The following NRXN3 variants were observed in gnomAD, a reference collection of about 807,000 sequenced individuals.
NRXN3 encodes neurexin III.
In NRXN3, 32 loss-of-function variants were observed where a neutral mutation model predicts 137.6. The observed-to-expected ratio is 0.23, with a 90% CI of 0.18 to 0.31. The LOEUF (loss-of-function observed/expected upper bound fraction) is 0.31. Among genes scored for constraint, NRXN3 ranks in the 10% least tolerant of loss-of-function variants. NRXN3 has a pLI of 1.00. For synonymous variants in NRXN3, 798 were observed against 784.5 expected (o/e 1.02, Z -0.29); for missense variants, 1,574 against 2,062.5 (o/e 0.76, Z 4.59).
intron 16 of NRXN3, among the ~76,000 whole-genome samples, chr14:79,470,464 G>A (rs2096485626): frequency 6.6e-6 from 1 of 152,072 alleles, no homozygotes; most frequent in South Asian, 2.1e-4. Context: ...CAGAAAGAGT[G>A]AACCCACTCT....
intron 20 of NRXN3, among the ~76,000 whole-genome samples, chr14:79,852,031 A>G (rs1000366484): frequency 2.6e-5 from 4 of 151,902 alleles, no homozygotes; most frequent in African/African-American, 9.7e-5. Flanking sequence ...TTAACATTCT[A>G]CTGTCATCAT....
chr14:78,403,800 G>T (rs1293252038), intron 4 of NRXN3: 11 of 985,246 alleles, frequency 1.1e-5, no homozygotes, highest in South Asian at 4.7e-5. Context: ...CGTTGTTTCT[G>T]CCCCCTGAGG....
intron 2 of NRXN3, among the ~76,000 whole-genome samples, chr14:78,260,531 A>G: frequency 6.6e-6 from 1 of 152,340 alleles, no homozygotes; most frequent in East Asian, 1.9e-4. Context: ...TCCCCAGCCA[A>G]ATCTCATTGT....
At chr14:79,578,442 C>A (rs2097685489) in intron 16 of NRXN3, among the ~76,000 whole-genome samples, 1 of 152,100 alleles carries the variant, frequency 6.6e-6, no homozygotes, top group African/African-American at 2.4e-5. Flanking sequence ...GTCTCCAGCC[C>A]CTCAGGAGAT....
intron 17 of NRXN3, among the ~76,000 whole-genome samples, chr14:79,684,997 C>T (rs1222796356): frequency 6.6e-6 from 1 of 152,056 alleles, no homozygotes; most frequent in Admixed American, 6.6e-5. Context: ...AGAGGAAAGG[C>T]ACCTGGGGAA....
intron 16 of NRXN3, among the ~76,000 whole-genome samples, chr14:79,541,663 GAC>G (rs1363201702): frequency 6.6e-6 from 1 of 152,140 alleles, no homozygotes; most frequent in African/African-American, 2.4e-5. Context: ...AGTCTCAAGA[GAC>G]ACAAGAAAAC....
chr14:79,826,680 C>T (rs1374769771), intron 20 of NRXN3, among the ~76,000 whole-genome samples: 2 of 152,168 alleles, frequency 1.3e-5, no homozygotes, highest in Non-Finnish European at 2.9e-5. Flanking sequence ...ATTGCACCAG[C>T]GTCTGCATAA....
intron 4 of NRXN3, among the ~76,000 whole-genome samples, chr14:78,395,711 G>A (rs545139515): frequency 1.1e-4 from 16 of 151,808 alleles, no homozygotes; most frequent in Admixed American, 3.3e-4. Flanking sequence ...ACATTTAGGT[G>A]GATTGACTCT....
intron 17 of NRXN3, among the ~76,000 whole-genome samples, chr14:79,689,829 G>A (rs540141267): frequency 6.6e-4 from 100 of 152,244 alleles, no homozygotes; most frequent in Admixed American, 1.1e-3. Context: ...CAAGGGCCCT[G>A]TGTATTTGGA....
intron 4 of NRXN3, among the ~76,000 whole-genome samples, chr14:78,337,756 A>G (rs905301409): frequency 2.0e-5 from 3 of 152,214 alleles, no homozygotes; most frequent in Non-Finnish European, 2.9e-5. Flanking sequence ...AAGGCCGTAT[A>G]TATAGTACTG....
Position 78,900,111 on chromosome 14 carries a change from T to C in NRXN3, c.2276-57131T>C, listed in dbSNP as rs573865379. Among the ~76,000 whole-genome samples the C allele has an allele frequency of 3.9e-5, 6 of 152,176 alleles. No individual in the cohort carries two copies. In the East Asian group the frequency reaches 1.2e-3, roughly 30 times the overall value. On this transcript the variant is annotated intron_variant, in intron 10 of 20. Transcript: ENST00000335750. ...AAACTACAATGACTGACACTAACAT[T>C]TTTGAACCCATCTATGCCCATTTCC...
chr14:79,094,753 G>A (rs1054397332), intron 15 of NRXN3, among the ~76,000 whole-genome samples: 3 of 152,120 alleles, frequency 2.0e-5, no homozygotes, highest in Non-Finnish European at 2.9e-5. Flanking sequence ...TAGATTTGCA[G>A]CCTTGATGAT....
intron 10 of NRXN3, among the ~76,000 whole-genome samples, chr14:78,926,519 T>C (rs1365599517): frequency 1.4e-5 from 2 of 145,004 alleles, no homozygotes; most frequent in African/African-American, 5.1e-5. Context: ...GGTAGGTTCA[T>C]CACTTGAGCC....
At chr14:78,372,114 T>C (rs80195704) in intron 4 of NRXN3, among the ~76,000 whole-genome samples, 13 of 152,036 alleles carry the variant, frequency 8.6e-5, no homozygotes, top group Non-Finnish European at 5.9e-5. Flanking sequence ...TTCTTTCTTT[T>C]TTTTTAAAAC....
chr14:78,288,341 TA>T (rs1459817103), intron 3 of NRXN3, among the ~76,000 whole-genome samples: 3 of 152,128 alleles, frequency 2.0e-5, no homozygotes, highest in Non-Finnish European at 2.9e-5. Context: ...TTAGCCTTAA[TA>T]AAAAAAGATT....
chr14:79,390,284 T>C (rs192560313), intron 15 of NRXN3, among the ~76,000 whole-genome samples: 6 of 142,120 alleles, frequency 4.2e-5, no homozygotes, highest in Admixed American at 3.0e-4. Flanking sequence ...GCCACTGCAC[T>C]CCAGCCTGGG....
intron 16 of NRXN3, among the ~76,000 whole-genome samples, chr14:79,623,449 T>C (rs1269629179): frequency 2.6e-5 from 4 of 152,216 alleles, no homozygotes; most frequent in Admixed American, 6.5e-5. Context: ...GTTTATCTAC[T>C]TGGAGAGAAA....
intron 10 of NRXN3, among the ~76,000 whole-genome samples, chr14:78,916,550 G>C (rs375642891): frequency 1.3e-5 from 2 of 152,180 alleles, no homozygotes; most frequent in Admixed American, 6.5e-5. Context: ...CCTTCTGTTA[G>C]AGAAGACCTG....
At chr14:78,173,724 T>TTTTTC (rs3058998) in intron 1 of NRXN3, among the ~76,000 whole-genome samples, 1 of 144,108 alleles carries the variant, frequency 6.9e-6, no homozygotes, top group Admixed American at 6.9e-5. Context: ...TTTTTTTTTT[T>TTTTTC]GCAACACAAC....
Sources: gnomAD v4.1 joint callset for allele counts (sites outside exome capture counted in the v4.1 genomes callset) on GRCh38, gnomAD v4.1.1 for gene constraint, MANE v1.5 for transcripts, NCBI Gene and HGNC (gene_info 2026-07-23, HGNC 2026-07-21) for gene names.